The following KIF13A variants were observed in gnomAD, a reference collection of about 807,000 sequenced individuals.
The protein encoded by KIF13A is kinesin family member 13A.
KIF13A carries 79 observed loss-of-function variants against 212.2 expected under a neutral mutation model. The ratio of observed to expected loss-of-function variants is 0.37; its 90% CI spans 0.31 to 0.45. The LOEUF (loss-of-function observed/expected upper bound fraction) is 0.45, where lower values mean the gene tolerates loss of function less well. Ranked by LOEUF, KIF13A falls within the 20% of genes least tolerant of loss-of-function variation. The probability of loss-of-function intolerance (pLI) is 1.00; values close to 1 mark genes in which losing one functional copy is unlikely to be tolerated. For missense variants in KIF13A, 1,901 were observed against 2,209.0 expected (o/e 0.86, Z 2.79); for synonymous variants, 789 against 808.6 (o/e 0.98, Z 0.41).
chr6:17,923,081 G>A (rs963839984), intron 2 of KIF13A, among the ~76,000 whole-genome samples: 1 of 152,000 alleles, frequency 6.6e-6, no homozygotes, highest in East Asian at 1.9e-4. Context: ...AGACCAGCCT[G>A]GGCAACATGG....
Position 17,783,545 on chromosome 6 carries a change from T to A in KIF13A, c.3544+101A>T. On this transcript the variant is annotated intron_variant, in intron 29 of 38. Coordinates refer to ENST00000259711, the MANE Select transcript of KIF13A (RefSeq NM_022113.6). The surrounding 1 kb of genome is among the most constrained non-coding windows in gnomAD (Gnocchi z 4.3). The stretch of plus-strand genomic sequence containing the variant: ...AATGTCACCCAATTTGGCACATGAA[T>A]GATTAGAAGAGTGATTTAAGGATCA... The A allele has an allele frequency of 1.2e-6, 1 of 820,230 alleles. No homozygotes were observed. Among genetic ancestry groups the A allele is most frequent in the Non-Finnish European group, 2.0e-6 (1 of 496,268 alleles). 50.8% of individuals were successfully genotyped at this position (820,230 alleles called of 1,614,324 possible). A position where few individuals can be genotyped will look rare whatever the true frequency, so the allele number is the denominator to read the frequency against.
intron 2 of KIF13A, among the ~76,000 whole-genome samples, chr6:17,930,390 C>A (rs940547357): frequency 1.3e-5 from 2 of 152,138 alleles, no homozygotes; most frequent in Admixed American, 6.5e-5. Flanking sequence ...ACAAATTCCT[C>A]AGGTGATAAA....
intron 2 of KIF13A, among the ~76,000 whole-genome samples, chr6:17,942,126 C>A (rs972016312): frequency 6.6e-6 from 1 of 151,698 alleles, no homozygotes; most frequent in Admixed American, 6.6e-5. Flanking sequence ...CATGGCAAAA[C>A]CTCATCTCTA....
At position 17,838,382 on chromosome 6, in the gene KIF13A, A is replaced by G. The variant is rs912664705; in HGVS notation, c.831-799T>C. Among the ~76,000 whole-genome samples, 3 of 152,198 alleles carry G rather than the reference A, an allele frequency of 2.0e-5. No homozygotes were observed. Among genetic ancestry groups the G allele is most frequent in the Non-Finnish European group, 4.4e-5 (3 of 68,036 alleles). ...AAAGAAGGACACAAACTAGCAAGTG[A>G]AAGACTAGACAGCTTTCTTTGTAAT... On this transcript the variant is annotated intron_variant, in intron 9 of 38. Coordinates refer to ENST00000259711, the MANE Select transcript of KIF13A (RefSeq NM_022113.6). This position sits in a 1 kb window ranked among gnomAD's most constrained non-coding sequence, Gnocchi z 4.2.
rs1405614575 is a variant in KIF13A, at chr6:17,961,842, T to C, written c.146+25212A>G. On this transcript the variant is annotated intron_variant, in intron 2 of 38. Transcript: ENST00000259711. This position sits in a 1 kb window ranked among gnomAD's most constrained non-coding sequence, Gnocchi z 4.1. ...TCTTCTCTTATTCTCACCTAAGCCC[T>C]GTGTTCCTCTGTATTCTAGGGTGCT... Among the ~76,000 whole-genome samples, 5 of 152,348 alleles carry C rather than the reference T, an allele frequency of 3.3e-5. No homozygotes were observed. The East Asian group carries it at 9.6e-4, about 29-fold the overall frequency.
chr6:17,793,996 G>A (rs1253999710), intron 25 of KIF13A, among the ~76,000 whole-genome samples: 1 of 152,070 alleles, frequency 6.6e-6, no homozygotes, highest in Non-Finnish European at 1.5e-5. Context: ...TTTTGGGCCA[G>A]ATATAAAATA....
At chr6:17,831,922 G>A (rs927574886) in intron 12 of KIF13A, among the ~76,000 whole-genome samples, 5 of 151,824 alleles carry the variant, frequency 3.3e-5, no homozygotes, top group African/African-American at 7.3e-5. Context: ...ATGAAGTCCC[G>A]TCTTTCATGA....
chr6:17,906,912 G>T (rs1269254332), intron 2 of KIF13A, among the ~76,000 whole-genome samples: 2 of 152,124 alleles, frequency 1.3e-5, no homozygotes, highest in Non-Finnish European at 2.9e-5. Flanking sequence ...TCATGGTCTG[G>T]ATACAATTCA....
intron 3 of KIF13A, among the ~76,000 whole-genome samples, chr6:17,879,455 GA>G (rs1331722858): frequency 2.6e-5 from 4 of 152,166 alleles, no homozygotes; most frequent in African/African-American, 7.2e-5. Flanking sequence ...TATATTTTTA[GA>G]TGTTTCATTA....
chr6:17,801,278 G>A (rs991122085), intron 20 of KIF13A, among the ~76,000 whole-genome samples: 10 of 151,816 alleles, frequency 6.6e-5, no homozygotes, highest in Non-Finnish European at 1.3e-4. Context: ...GATCACCTGA[G>A]GTTAGGAGTT....
At position 17,764,352 on chromosome 6, in the gene KIF13A, T is replaced by G; in HGVS notation, c.5176A>C (p.Thr1726Pro). 1 of 1,613,952 alleles carries G rather than the reference T, an allele frequency of 6.2e-7. No individual in the cohort carries two copies. Among genetic ancestry groups the G allele is most frequent in the African/African-American group, 1.3e-5 (1 of 75,038 alleles). The change falls in exon 39 of 39, where the codon ACC becomes CCC. Residue 1726 changes from threonine to proline, a missense_variant. Physicochemically the swap from Thr to Pro is conservative, Grantham distance 38. This residue lies in a region of KIF13A where 687 missense variants were observed against 759.1 expected (regional missense o/e 0.90). Coordinates refer to ENST00000259711, the MANE Select transcript of KIF13A (RefSeq NM_022113.6). This position sits in a 1 kb window ranked among gnomAD's most constrained non-coding sequence, Gnocchi z 5.1. ...FCPREVTVEHTTNILEDHSFT... is the reference protein window; with the variant it reads ...FCPREVTVEHPTNILEDHSFT... ...GAATGGTCTTCAAGGATGTTGGTGG[T>G]GTGTTCTACCGTCACCTCCCTGGGG...
At chr6:17,943,514 C>A (rs904261565) in intron 2 of KIF13A, among the ~76,000 whole-genome samples, 6 of 151,196 alleles carry the variant, frequency 4.0e-5, no homozygotes, top group African/African-American at 1.5e-4. Flanking sequence ...TCCCAAAGTG[C>A]TGGGATTACA....
Position 17,776,167 on chromosome 6 carries a change from C to T in KIF13A, c.4171-1105G>A, listed in dbSNP as rs550015718. On this transcript the variant is annotated intron_variant, in intron 34 of 38. Transcript: ENST00000259711. The surrounding 1 kb of genome is among the most constrained non-coding windows in gnomAD (Gnocchi z 4.6). ...TGCTGGGATTATAAGCGTGAGCCAC[C>T]GTGCCCGATCTTCTTTACTTTTTAA... Among the ~76,000 whole-genome samples, 7 of 152,300 alleles carry T rather than the reference C, an allele frequency of 4.6e-5. No homozygotes were observed. The highest frequency in any genetic ancestry group is 2.1e-4 in the South Asian group (1 of 4,830).
chr6:17,764,894 C>G lies in KIF13A; in HGVS notation c.4634G>C (p.Ser1545Thr), dbSNP rs1208591821. The change falls in exon 39 of 39, where the codon AGT (serine) becomes ACT (threonine). Residue 1545 changes from serine to threonine, a missense_variant. Physicochemically the swap from Ser to Thr is moderately conservative, Grantham distance 58. Transcript: ENST00000259711. This position sits in a 1 kb window ranked among gnomAD's most constrained non-coding sequence, Gnocchi z 5.1. ...CTCCACAGGTACATAAGGCTGTGAA[C>G]TTATTAGCTTCCTGTTAATAGCTTC... Reference protein sequence around the residue: ...ELEAINRKLISSQPYVPVEFA... With the variant: ...ELEAINRKLITSQPYVPVEFA... 7 of 1,613,694 alleles carry G rather than the reference C, an allele frequency of 4.3e-6. No homozygotes were observed. Among genetic ancestry groups the G allele is most frequent in the Non-Finnish European group, 5.1e-6 (6 of 1,179,742 alleles).
Position 17,775,071 on chromosome 6 carries a change from G to C in KIF13A, c.4171-9C>G. ...GGTCGGCTGGAAGAGACCTATAAGA[G>C]AAGAATGGTTTTAGCAATGTGGTTT... On this transcript the variant is annotated splice_polypyrimidine_tract_variant and intron_variant, in intron 34 of 38. Transcript: ENST00000259711. 6.2e-7 allele frequency: 1 copy of C among 1,608,514 alleles called. No individual in the cohort carries two copies. The highest frequency in any genetic ancestry group is 1.3e-5 in the African/African-American group (1 of 74,874).
intron 9 of KIF13A, among the ~76,000 whole-genome samples, chr6:17,846,707 AT>A (rs1767104733): frequency 6.6e-6 from 1 of 152,168 alleles, no homozygotes; most frequent in African/African-American, 2.4e-5. Flanking sequence ...CAGTTACTAA[AT>A]GATCTAAATC....
intron 2 of KIF13A, among the ~76,000 whole-genome samples, chr6:17,977,241 A>G (rs1780641465): frequency 2.0e-5 from 3 of 152,206 alleles, no homozygotes; most frequent in Non-Finnish European, 4.4e-5. Context: ...AATACCACCC[A>G]TCTTGTTACT....
chr6:17,935,499 C>A (rs1369600127), intron 2 of KIF13A, among the ~76,000 whole-genome samples: 1 of 152,188 alleles, frequency 6.6e-6, no homozygotes, highest in South Asian at 2.1e-4. Context: ...GGGGCTGGGG[C>A]TGTGCAAACT....
intron 6 of KIF13A, among the ~76,000 whole-genome samples, chr6:17,853,048 A>G (rs939789199): frequency 2.0e-5 from 3 of 152,220 alleles, no homozygotes; most frequent in African/African-American, 7.2e-5. Flanking sequence ...CATATTAATC[A>G]TCTTTCAAAT....
Sources: gnomAD v4.1 joint callset for allele counts (sites outside exome capture counted in the v4.1 genomes callset) on GRCh38, gnomAD v4.1.1 for gene constraint, gnomAD v4.1.1 regional missense constraint, Gnocchi (gnomAD v3.1) non-coding constraint, MANE v1.5 for transcripts, NCBI Gene and HGNC (gene_info 2026-07-23, HGNC 2026-07-21) for gene names.